The following ACYP2 variants were observed in gnomAD, a reference collection of about 807,000 sequenced individuals.
The protein encoded by ACYP2 is acylphosphatase-2.
Under a neutral mutation model 11.2 loss-of-function variants are expected in ACYP2, and 12 were observed. That is an observed-to-expected ratio of 1.08 (90% CI 0.69 to 1.74). ACYP2 has a LOEUF of 1.74. Among genes scored for constraint, ACYP2 ranks in the 40% most tolerant of loss-of-function variants. The probability of loss-of-function intolerance (pLI) is 0.00; values close to 1 mark genes in which losing one functional copy is unlikely to be tolerated. For synonymous variants in ACYP2, 43 were observed against 32.2 expected (o/e 1.33, Z -1.13); for missense variants, 134 against 101.9 (o/e 1.31, Z -1.35).
intron 2 of ACYP2, among the ~76,000 whole-genome samples, chr2:54,007,588 G>A (rs957594094): frequency 4.6e-5 from 7 of 152,142 alleles, no homozygotes; most frequent in African/African-American, 1.2e-4. Flanking sequence ...AAGGTTGGCC[G>A]GATGTGGTGG....
chr2:54,257,649 A>ATG (rs1460199545), intron 6 of ACYP2, among the ~76,000 whole-genome samples: 13 of 152,232 alleles, frequency 8.5e-5, no homozygotes, highest in Non-Finnish European at 1.8e-4. Flanking sequence ...CAGAGCATTA[A>ATG]CCAAAGATTA....
intron 6 of ACYP2, among the ~76,000 whole-genome samples, chr2:54,201,664 TTC>T (rs1225939915): frequency 6.8e-5 from 7 of 103,194 alleles, no homozygotes; most frequent in Middle Eastern, 4.5e-3. Context: ...CTTTCTTTCT[TTC>T]TTTCTTTCTT....
At chr2:54,092,236 C>G (rs546468467) in intron 4 of ACYP2, among the ~76,000 whole-genome samples, 1 of 152,158 alleles carries the variant, frequency 6.6e-6, no homozygotes, top group Admixed American at 6.5e-5. Flanking sequence ...TAGGCACTTT[C>G]ATTTACAAGT....
At chr2:54,100,871 TA>T (rs1261946199) in intron 4 of ACYP2, among the ~76,000 whole-genome samples, 2 of 152,226 alleles carry the variant, frequency 1.3e-5, no homozygotes, top group Non-Finnish European at 2.9e-5. Flanking sequence ...CTCAAGCACT[TA>T]ATAAAATGTC....
chr2:54,103,756 A>G (rs1347426986), intron 4 of ACYP2, among the ~76,000 whole-genome samples: 3 of 152,232 alleles, frequency 2.0e-5, no homozygotes, highest in Non-Finnish European at 4.4e-5. Flanking sequence ...AATATTAGAG[A>G]ATAGTGTTCT....
intron 2 of ACYP2, among the ~76,000 whole-genome samples, chr2:54,034,952 G>C (rs1460701321): frequency 2.1e-5 from 3 of 143,098 alleles, no homozygotes; most frequent in African/African-American, 7.6e-5. Flanking sequence ...GGAGGTTGCA[G>C]TGAGCTGAGA....
chr2:54,180,765 A>C (rs1454926051), intron 6 of ACYP2, among the ~76,000 whole-genome samples: 2 of 152,140 alleles, frequency 1.3e-5, no homozygotes, highest in Non-Finnish European at 2.9e-5. Context: ...CATGTTGCCC[A>C]GGTCTGTCTC....
chr2:54,031,718 T>C (rs1159089368), intron 2 of ACYP2, among the ~76,000 whole-genome samples: 1 of 152,218 alleles, frequency 6.6e-6, no homozygotes, highest in Non-Finnish European at 1.5e-5. Context: ...TCCACAATGG[T>C]TGAACTAGTT....
At position 54,125,986 on chromosome 2, in the gene ACYP2, C is replaced by A. The variant is rs566038738; in HGVS notation, c.278-9467C>A. Reference sequence around the variant, plus strand: ...ATCCCAGCTACTCGGGAGGTTGAGGCGGAAGAATTGCTTGAACCTGGGAGA... The same window carrying A: ...ATCCCAGCTACTCGGGAGGTTGAGGAGGAAGAATTGCTTGAACCTGGGAGA... On this transcript the variant is annotated intron_variant, in intron 4 of 6. Coordinates refer to ENST00000607452, the MANE Select transcript of ACYP2 (RefSeq NM_001320586.2). Among the ~76,000 whole-genome samples the A allele has an allele frequency of 4.6e-3, 702 of 151,930 alleles. 2 individuals are homozygous for A. The highest frequency in any genetic ancestry group is 0.017 in the Middle Eastern group (5 of 294).
chr2:53,982,842 GTGTGTGTGTGT>G lies in ACYP2; in HGVS notation c.62+9033_62+9043del, dbSNP rs1164332317. 3.4e-5 allele frequency among the ~76,000 whole-genome samples: 5 copies of G among 146,848 alleles called. No individual in the cohort carries two copies. The East Asian group carries it at 9.8e-4, about 29-fold the overall frequency. On this transcript the variant is annotated intron_variant, in intron 2 of 6. Coordinates refer to ENST00000607452, the MANE Select transcript of ACYP2 (RefSeq NM_001320586.2). ...TTCACACAAGACTGTGTGTGTGTGT[GTGTGTGTGTGT>G]GTGTGTGTGTGTGTGTGTGTGATAT...
At chr2:54,029,495 C>A (rs2104552982) in intron 2 of ACYP2, 2 of 371,224 alleles carry the variant, frequency 5.4e-6, no homozygotes, top group South Asian at 4.8e-5. Flanking sequence ...TGCATGAATT[C>A]ATAGGGAAGT....
chr2:54,174,738 C>T (rs1466837437), intron 6 of ACYP2, among the ~76,000 whole-genome samples: 5 of 151,962 alleles, frequency 3.3e-5, no homozygotes, highest in East Asian at 3.9e-4. Flanking sequence ...GCATGAAGGG[C>T]TGTTGAATTT....
chr2:54,079,049 T>A (rs1461744957), intron 4 of ACYP2, among the ~76,000 whole-genome samples: 1 of 152,240 alleles, frequency 6.6e-6, no homozygotes, highest in Admixed American at 6.5e-5. Flanking sequence ...TTTGTAGTAG[T>A]ATTAGAATCA....
At chr2:53,971,563 G>C (rs1558442336) in intron 1 of ACYP2, among the ~76,000 whole-genome samples, 1 of 152,192 alleles carries the variant, frequency 6.6e-6, no homozygotes, top group African/African-American at 2.4e-5. Flanking sequence ...TTGTGTGTAA[G>C]GCGCTCAGTT....
chr2:54,038,921 G>A (rs1360393122), intron 2 of ACYP2, among the ~76,000 whole-genome samples: 1 of 151,760 alleles, frequency 6.6e-6, no homozygotes, highest in Non-Finnish European at 1.5e-5. Flanking sequence ...TGCAATTTTA[G>A]ATGGGTTAAC....
chr2:53,974,050 G>A (rs1297160193), intron 2 of ACYP2, among the ~76,000 whole-genome samples: 2 of 151,184 alleles, frequency 1.3e-5, no homozygotes, highest in Non-Finnish European at 2.9e-5. Context: ...GGGACCACAG[G>A]TGCGCACCAC....
At chr2:54,090,040 G>C (rs1678142706) in intron 4 of ACYP2, among the ~76,000 whole-genome samples, 1 of 151,604 alleles carries the variant, frequency 6.6e-6, no homozygotes, top group Admixed American at 6.6e-5. Flanking sequence ...CAGTACTCAG[G>C]AGGCTGAGTC....
intron 2 of ACYP2, among the ~76,000 whole-genome samples, chr2:53,978,164 A>T (rs890334106): frequency 6.6e-6 from 1 of 151,768 alleles, no homozygotes; most frequent in Non-Finnish European, 1.5e-5. Context: ...TTGGAGGCTG[A>T]GACAGGAGAA....
intron 6 of ACYP2, among the ~76,000 whole-genome samples, chr2:54,194,461 T>C (rs1293325977): frequency 6.6e-6 from 1 of 152,190 alleles, no homozygotes; most frequent in Non-Finnish European, 1.5e-5. Context: ...GTTAAAGCTT[T>C]CCTTTAACTC....
Sources: gnomAD v4.1 joint callset for allele counts (sites outside exome capture counted in the v4.1 genomes callset) on GRCh38, gnomAD v4.1.1 for gene constraint, MANE v1.5 for transcripts, NCBI Gene and HGNC (gene_info 2026-07-23, HGNC 2026-07-21) for gene names.